GREB1L: variants seen among roughly 807,000 people sequenced by gnomAD.
GREB1L encodes the protein GREB1 like retinoic acid receptor coactivator, also known as GREB1-like protein.
GREB1L carries 17 observed loss-of-function variants against 200.8 expected under a neutral mutation model. That is an observed-to-expected ratio of 0.08 (90% CI 0.06 to 0.13). The LOEUF is 0.13. GREB1L is among the 10% of genes least tolerant of loss of function. The probability of loss-of-function intolerance (pLI) is 1.00; values close to 1 mark genes in which losing one functional copy is unlikely to be tolerated. For missense variants in GREB1L, 1,657 were observed against 2,367.7 expected (o/e 0.70, Z 6.23); for synonymous variants, 789 against 893.0 (o/e 0.88, Z 2.08).
intron 1 of GREB1L, among the ~76,000 whole-genome samples, chr18:21,262,070 AG>A (rs751350260): frequency 1.3e-4 from 20 of 152,154 alleles, no homozygotes; most frequent in Non-Finnish European, 2.1e-4. Flanking sequence ...GTAACCAGTA[AG>A]GATGCAAATT....
At chr18:21,321,377 C>T (rs1464047262) in intron 1 of GREB1L, among the ~76,000 whole-genome samples, 3 of 151,692 alleles carry the variant, frequency 2.0e-5, no homozygotes, top group Non-Finnish European at 1.5e-5. Flanking sequence ...AATACTGTTT[C>T]CCAGTTTTTT....
intron 1 of GREB1L, among the ~76,000 whole-genome samples, chr18:21,313,517 C>T (rs2038823362): frequency 6.6e-6 from 1 of 152,130 alleles, no homozygotes; most frequent in Non-Finnish European, 1.5e-5. Context: ...CAAGGTTGCC[C>T]AGCTAATGAG....
intron 11 of GREB1L, among the ~76,000 whole-genome samples, chr18:21,448,478 G>A (rs1411081462): frequency 1.3e-5 from 2 of 152,148 alleles, no homozygotes; most frequent in African/African-American, 4.8e-5. Flanking sequence ...GGAAGGAATG[G>A]GTCTGACTCA....
intron 1 of GREB1L, among the ~76,000 whole-genome samples, chr18:21,346,402 G>A (rs2039345905): frequency 1.3e-5 from 2 of 151,694 alleles, no homozygotes; most frequent in Non-Finnish European, 2.9e-5. Context: ...TCATTTCTTT[G>A]CTTAACACTC....
chr18:21,470,114 C>A (rs984986035), intron 15 of GREB1L, among the ~76,000 whole-genome samples: 1 of 151,722 alleles, frequency 6.6e-6, no homozygotes, highest in African/African-American at 2.4e-5. Context: ...GTGAGACCCC[C>A]ATTTCTATTA....
intron 15 of GREB1L, among the ~76,000 whole-genome samples, chr18:21,463,463 C>T (rs1022910886): frequency 2.6e-5 from 4 of 151,992 alleles, no homozygotes; most frequent in African/African-American, 9.7e-5. Flanking sequence ...ATGTTGAAAA[C>T]CAGGGTTCTC....
intron 2 of GREB1L, chr18:21,380,413 C>G (rs2040254323): frequency 2.0e-5 from 3 of 152,182 alleles, no homozygotes; most frequent in Non-Finnish European, 2.9e-5. Flanking sequence ...TCCAGGGACT[C>G]TCTCCAGGGA....
At chr18:21,277,468 T>C (rs144801741) in intron 1 of GREB1L, among the ~76,000 whole-genome samples, 70 of 152,312 alleles carry the variant, frequency 4.6e-4, no homozygotes, top group African/African-American at 1.6e-3. Flanking sequence ...CCCACTTTGG[T>C]TTTTCCTCAG....
chr18:21,284,896 T>C (rs1363812083), intron 1 of GREB1L, among the ~76,000 whole-genome samples: 2 of 152,212 alleles, frequency 1.3e-5, no homozygotes, highest in South Asian at 2.1e-4. Context: ...TAGTATCCCA[T>C]TGTGGGTTTG....
At chr18:21,269,702 AT>A (rs771283345) in intron 1 of GREB1L, among the ~76,000 whole-genome samples, 2 of 152,248 alleles carry the variant, frequency 1.3e-5, no homozygotes, top group African/African-American at 2.4e-5. Context: ...ACTGGAACAA[AT>A]TTTTAACTCA....
intron 10 of GREB1L, among the ~76,000 whole-genome samples, chr18:21,443,148 C>T (rs1256530555): frequency 6.6e-6 from 1 of 152,106 alleles, no homozygotes; most frequent in Non-Finnish European, 1.5e-5. Flanking sequence ...AGCAATCTGC[C>T]TGCCTCAGCC....
At position 21,513,925 on chromosome 18, in the gene GREB1L, A is replaced by G. The variant is rs1032115325; in HGVS notation, c.4840A>G (p.Ile1614Val). 34 of 1,551,576 alleles carry G rather than the reference A, an allele frequency of 2.2e-5. No individual in the cohort carries two copies. In the African/African-American group the frequency reaches 4.2e-4, roughly 19 times the overall value. The change falls in exon 28 of 33, where the codon ATC (isoleucine) becomes GTC (valine). Residue 1614 changes from isoleucine to valine, a missense_variant. Ile to Val is a conservative substitution (Grantham distance 29). Around this residue, in one of 9 missense-constraint regions of GREB1L, gnomAD observed 151 missense variants for 309.6 expected, o/e 0.49. Coordinates refer to ENST00000424526, the MANE Select transcript of GREB1L (RefSeq NM_001142966.3). ...TAAACGCCAGTGTGTCTGGCCTTTC[A>G]TCGTCATGATGGATGACTCATGTGT... ...GIKRQCVWPFIVMMDDSCVLW... is the reference protein window; with the variant it reads ...GIKRQCVWPFVVMMDDSCVLW...
chr18:21,361,791 C>A (rs2039584424), intron 1 of GREB1L, among the ~76,000 whole-genome samples: 2 of 151,852 alleles, frequency 1.3e-5, no homozygotes, highest in Admixed American at 1.3e-4. Context: ...ACTTTTCTAG[C>A]ATGCATATTG....
chr18:21,495,201 A>G (rs1203138746), intron 19 of GREB1L, among the ~76,000 whole-genome samples: 1 of 152,206 alleles, frequency 6.6e-6, no homozygotes, highest in Non-Finnish European at 1.5e-5. Flanking sequence ...CAATGTTTTC[A>G]TTATTTTCTT....
chr18:21,388,365 A>G (rs969533801), intron 4 of GREB1L, among the ~76,000 whole-genome samples: 4 of 152,078 alleles, frequency 2.6e-5, no homozygotes, highest in Non-Finnish European at 5.9e-5. Context: ...AGTATAGGAC[A>G]TTTGCTACAA....
At chr18:21,277,884 G>C (rs1485987999) in intron 1 of GREB1L, among the ~76,000 whole-genome samples, 1 of 152,172 alleles carries the variant, frequency 6.6e-6, no homozygotes, top group African/African-American at 2.4e-5. Flanking sequence ...GGTACATTGA[G>C]TCTGCTCAAT....
chr18:21,324,465 T>C (rs1371690806), intron 1 of GREB1L, among the ~76,000 whole-genome samples: 1 of 152,218 alleles, frequency 6.6e-6, no homozygotes, highest in African/African-American at 2.4e-5. Context: ...CTGGGAATTT[T>C]TGTCTCTGTC....
At chr18:21,280,358 A>G (rs1293928284) in intron 1 of GREB1L, among the ~76,000 whole-genome samples, 1 of 150,144 alleles carries the variant, frequency 6.7e-6, no homozygotes, top group Non-Finnish European at 1.5e-5. Flanking sequence ...AGGTTCTACC[A>G]TGTCTTTTTG....
At chr18:21,345,299 G>A (rs1052192152) in intron 1 of GREB1L, among the ~76,000 whole-genome samples, 3 of 152,138 alleles carry the variant, frequency 2.0e-5, no homozygotes, top group Non-Finnish European at 4.4e-5. Context: ...ATCAGAAAAG[G>A]TACCATCATC....
Sources: allele counts gnomAD v4.1 joint callset (sites outside exome capture counted in the v4.1 genomes callset), GRCh38; gene constraint gnomAD v4.1.1; regional missense constraint gnomAD v4.1.1; transcripts MANE v1.5; gene names NCBI Gene and HGNC (gene_info 2026-07-23, HGNC 2026-07-21).